Variants in CRACD observed in about 807,000 individuals in gnomAD.
CRACD encodes the protein capping protein inhibiting regulator of actin dynamics, also known as capping protein-inhibiting regulator of actin dynamics.
In CRACD, 56 loss-of-function variants were observed where a neutral mutation model predicts 106.8. The ratio of observed to expected loss-of-function variants is 0.52; its 90% CI spans 0.42 to 0.66. The LOEUF is 0.66. CRACD is among the 30% of genes least tolerant of loss of function. The probability of loss-of-function intolerance (pLI) is 0.00; values close to 1 mark genes in which losing one functional copy is unlikely to be tolerated. For missense variants in CRACD, 1,730 were observed against 1,623.2 expected (o/e 1.07, Z -1.13); for synonymous variants, 754 against 670.8 (o/e 1.12, Z -1.92).
At chr4:56,075,071 T>A (rs1450976813) in intron 1 of CRACD, among the ~76,000 whole-genome samples, 1 of 152,198 alleles carries the variant, frequency 6.6e-6, no homozygotes, top group Non-Finnish European at 1.5e-5. Context: ...TTTGATGTGC[T>A]GTTGGATTTG....
chr4:56,296,269 A>G (rs1186733621), intron 3 of CRACD, among the ~76,000 whole-genome samples: 1 of 152,124 alleles, frequency 6.6e-6, no homozygotes, highest in Non-Finnish European at 1.5e-5. Flanking sequence ...TCTGAGTTTC[A>G]TCTGTCACAA....
chr4:56,328,954 A>G lies in CRACD; in HGVS notation c.*1150A>G, dbSNP rs1746636630. 1.3e-5 allele frequency among the ~76,000 whole-genome samples: 2 copies of G among 152,252 alleles called. No homozygotes were observed. The highest frequency in any genetic ancestry group is 1.3e-4 in the Admixed American group (2 of 15,288). On this transcript the variant is annotated 3_prime_UTR_variant, in exon 11 of 11. Transcript: ENST00000682029. ...GCCAAGATTTGGAGCCTTTGTAATA[A>G]GGACTTCCTGCAGAAAGTCTTTTCT...
intron 1 of CRACD, among the ~76,000 whole-genome samples, chr4:56,166,773 A>G (rs1285025868): frequency 1.3e-5 from 2 of 152,106 alleles, no homozygotes; most frequent in African/African-American, 2.4e-5. Flanking sequence ...AATACAAAAC[A>G]TTAGCTGTAA....
chr4:56,324,555 C>T (rs1199640980), intron 10 of CRACD, among the ~76,000 whole-genome samples: 1 of 152,174 alleles, frequency 6.6e-6, no homozygotes, highest in Non-Finnish European at 1.5e-5. Flanking sequence ...TAAATACTCC[C>T]ACCATGGCCT....
chr4:56,123,881 C>T lies in CRACD; in HGVS notation c.-335-55403C>T, dbSNP rs550312515. On this transcript the variant is annotated intron_variant, in intron 1 of 10. Coordinates refer to ENST00000682029, the MANE Select transcript of CRACD (RefSeq NM_001393381.1). ...TTTATAAGTCCAGAATCTGAACAAC[C>T]ATGTTTCCTGACTAACCACACCTTG... 2.0e-5 allele frequency among the ~76,000 whole-genome samples: 3 copies of T among 152,250 alleles called. No homozygotes were observed. The East Asian group carries it at 5.8e-4, about 29-fold the overall frequency.
intron 1 of CRACD, among the ~76,000 whole-genome samples, chr4:56,118,302 ATTTG>A (rs1187676837): frequency 1.3e-5 from 2 of 152,102 alleles, no homozygotes; most frequent in Non-Finnish European, 2.9e-5. Context: ...GAGCGCTTTC[ATTTG>A]TTTGTTCAGT....
chr4:56,322,510 G>A lies in CRACD; in HGVS notation c.3188-867G>A, dbSNP rs570874465. ...CTATGTTCTAGCTTCAGAAGCCTGTGTACTAACTGCTGAGTGACCATGGGC... is the reference window on the plus strand; with the variant it reads ...CTATGTTCTAGCTTCAGAAGCCTGTATACTAACTGCTGAGTGACCATGGGC... On this transcript the variant is annotated intron_variant, in intron 8 of 10. Coordinates refer to ENST00000682029, the MANE Select transcript of CRACD (RefSeq NM_001393381.1). Among the ~76,000 whole-genome samples the A allele has an allele frequency of 1.6e-4, 24 of 152,314 alleles. No individual in the cohort carries two copies. In the East Asian group the frequency reaches 4.4e-3, roughly 28 times the overall value.
intron 6 of CRACD, 106 bp downstream of exon 6, chr4:56,310,840 A>C: frequency 1.5e-6 from 1 of 686,582 alleles, no homozygotes. Context: ...TCCATTCATA[A>C]ATGTTGCCTT....
chr4:56,210,103 A>G (rs950905659), intron 2 of CRACD, among the ~76,000 whole-genome samples: 30 of 152,342 alleles, frequency 2.0e-4, no homozygotes, highest in African/African-American at 7.2e-4. Flanking sequence ...AGACTTCACC[A>G]TGGCTACCTA....
intron 1 of CRACD, among the ~76,000 whole-genome samples, chr4:56,141,081 C>T (rs1735180677): frequency 6.6e-6 from 1 of 152,178 alleles, no homozygotes; most frequent in African/African-American, 2.4e-5. Context: ...CCTGGAGAAG[C>T]CATGAGGCTT....
At chr4:56,136,508 T>C (rs145790665) in intron 1 of CRACD, among the ~76,000 whole-genome samples, 1 of 152,364 alleles carries the variant, frequency 6.6e-6, no homozygotes, top group East Asian at 1.9e-4. Context: ...GCCTAATGGC[T>C]AATGATGTTA....
intron 3 of CRACD, among the ~76,000 whole-genome samples, chr4:56,296,661 GGGCCC>G (rs1434347393): frequency 6.6e-6 from 1 of 152,120 alleles, no homozygotes; most frequent in Non-Finnish European, 1.5e-5. Flanking sequence ...ACCCCAGTAG[GGGCCC>G]CTTTCTGGGG....
At chr4:56,074,671 C>G (rs932868972) in intron 1 of CRACD, among the ~76,000 whole-genome samples, 1 of 151,978 alleles carries the variant, frequency 6.6e-6, no homozygotes, top group African/African-American at 2.4e-5. Flanking sequence ...ATTTGAATAC[C>G]CATTATTTCT....
chr4:56,051,184 A>G (rs1041534878), intron 1 of CRACD, among the ~76,000 whole-genome samples: 14 of 152,182 alleles, frequency 9.2e-5, no homozygotes, highest in African/African-American at 3.4e-4. Flanking sequence ...GGTGTTCAGT[A>G]TGTAGTCATG....
chr4:56,121,585 A>G (rs1734485040), intron 1 of CRACD, among the ~76,000 whole-genome samples: 1 of 152,112 alleles, frequency 6.6e-6, no homozygotes, highest in Non-Finnish European at 1.5e-5. Context: ...TGGAGAGTGC[A>G]GTGAGCCACT....
chr4:56,118,341 ATACT>A (rs1734366956), intron 1 of CRACD, among the ~76,000 whole-genome samples: 1 of 152,212 alleles, frequency 6.6e-6, no homozygotes. Context: ...TACTGGTACT[ATACT>A]TACTGCATGC....
chr4:56,279,366 C>G (rs1430536568), intron 3 of CRACD, among the ~76,000 whole-genome samples: 8 of 151,694 alleles, frequency 5.3e-5, no homozygotes, highest in East Asian at 1.9e-4. Context: ...AGGCAACCTA[C>G]AACATGGGAG....
intron 1 of CRACD, among the ~76,000 whole-genome samples, chr4:56,101,760 C>CAAA (rs60106850): frequency 4.8e-5 from 5 of 103,258 alleles, no homozygotes; most frequent in Non-Finnish European, 6.4e-5. Context: ...AAGACTGTCT[C>CAAA]AAAAAAAAAA....
At chr4:56,260,720 C>T (rs6851194) in intron 2 of CRACD, among the ~76,000 whole-genome samples, 76,973 of 152,048 alleles carry the variant, frequency 0.51, 20,042 homozygotes, top group East Asian at 0.63. Flanking sequence ...ATACATTCCG[C>T]CTTTGGACAG....
Sources: allele counts gnomAD v4.1 joint callset (sites outside exome capture counted in the v4.1 genomes callset), GRCh38; gene constraint gnomAD v4.1.1; transcripts MANE v1.5; gene names NCBI Gene and HGNC (gene_info 2026-07-23, HGNC 2026-07-21).